The following SLC35F3 variants were observed in gnomAD, a reference collection of about 807,000 sequenced individuals.
The protein encoded by SLC35F3 is putative thiamine transporter SLC35F3.
In SLC35F3, 25 loss-of-function variants were observed where a neutral mutation model predicts 49.9. The observed-to-expected ratio is 0.50, with a 90% CI of 0.37 to 0.70. The LOEUF is 0.70. Among genes scored for constraint, SLC35F3 ranks in the 30% least tolerant of loss-of-function variants. The pLI, the probability that SLC35F3 is intolerant of heterozygous loss-of-function variation, is 0.00. For missense variants in SLC35F3, 525 were observed against 639.8 expected (o/e 0.82, Z 1.94); for synonymous variants, 275 against 265.4 (o/e 1.04, Z -0.35).
intron 2 of SLC35F3, among the ~76,000 whole-genome samples, chr1:234,167,437 G>C (rs1666336472): frequency 6.6e-6 from 1 of 152,074 alleles, no homozygotes. Flanking sequence ...CACCACAAAG[G>C]AGCACTGGAT....
chr1:234,104,972 T>C (rs1665262598), intron 2 of SLC35F3, among the ~76,000 whole-genome samples: 1 of 151,908 alleles, frequency 6.6e-6, no homozygotes. Flanking sequence ...CTACTAAAAA[T>C]ACAAAATTAG....
At position 234,285,045 on chromosome 1, in the gene SLC35F3, A is replaced by C. The variant is rs557034613; in HGVS notation, c.609-24056A>C. The C allele has an allele frequency of 1.9e-4, 35 of 182,888 alleles. 1 individual carries two copies. Among genetic ancestry groups the C allele is most frequent in the South Asian group, 1.3e-3 (11 of 8,176 alleles). The allele number at this position is 182,888 out of a possible 1,614,324, so 11.3% of individuals were successfully genotyped here. A position where few individuals can be genotyped will look rare whatever the true frequency, so the allele number is the denominator to read the frequency against. On this transcript the variant is annotated intron_variant, in intron 3 of 7. Coordinates refer to ENST00000366618, the MANE Select transcript of SLC35F3 (RefSeq NM_173508.4). ...AACATCCCTCCGAAGAGATGCAGTT[A>C]ATTGTATAGGGCCACAGGGGAACCC... is the stretch of plus-strand genomic sequence containing the variant.
intron 2 of SLC35F3, among the ~76,000 whole-genome samples, chr1:233,977,678 G>T (rs557262876): frequency 6.6e-6 from 1 of 152,278 alleles, no homozygotes; most frequent in East Asian, 1.9e-4. Flanking sequence ...TTGGCCACTT[G>T]CTTGCATAAA....
intron 3 of SLC35F3, among the ~76,000 whole-genome samples, chr1:234,303,999 A>ATCCT (rs745697175): frequency 0.17 from 21,481 of 124,750 alleles, 2,176 homozygotes; most frequent in Non-Finnish European, 0.23. Context: ...TCCTAATTTT[A>ATCCT]TCCTTCCTTC....
intron 2 of SLC35F3, among the ~76,000 whole-genome samples, chr1:233,985,980 T>C (rs536146472): frequency 2.0e-5 from 3 of 152,316 alleles, no homozygotes; most frequent in Non-Finnish European, 4.4e-5. Context: ...GGGTTAAAAT[T>C]CTGCTTTTAC....
chr1:234,093,583 C>T (rs187421774), intron 2 of SLC35F3, among the ~76,000 whole-genome samples: 61 of 152,342 alleles, frequency 4.0e-4, no homozygotes, highest in Non-Finnish European at 7.9e-4. Flanking sequence ...CAAACACTCA[C>T]CCCTGCCTTA....
chr1:234,279,183 G>T (rs1423719753), intron 3 of SLC35F3, among the ~76,000 whole-genome samples: 1 of 152,134 alleles, frequency 6.6e-6, no homozygotes, highest in Non-Finnish European at 1.5e-5. Flanking sequence ...GGACTTCCAG[G>T]TCATAGGCAG....
Position 234,214,561 on chromosome 1 carries a change from T to C in SLC35F3, c.284-16856T>C, listed in dbSNP as rs776768612. 2.1e-5 allele frequency: 32 copies of C among 1,553,490 alleles called. No homozygotes were observed. The Admixed American group carries it at 5.8e-4, about 28-fold the overall frequency. Reference sequence around the variant, plus strand: ...CCTGCAACAGTCCGGTCCTGACCCTTACCAAAGTGGAAGGTAATGCGCGGC... The same window carrying C: ...CCTGCAACAGTCCGGTCCTGACCCTCACCAAAGTGGAAGGTAATGCGCGGC... On this transcript the variant is annotated intron_variant, in intron 2 of 7. Coordinates refer to ENST00000366618, the MANE Select transcript of SLC35F3 (RefSeq NM_173508.4). The surrounding 1 kb of genome is among the most constrained non-coding windows in gnomAD (Gnocchi z 8.0).
chr1:234,057,521 T>C (rs1355670967), intron 2 of SLC35F3, among the ~76,000 whole-genome samples: 1 of 152,250 alleles, frequency 6.6e-6, no homozygotes, highest in Admixed American at 6.5e-5. Flanking sequence ...ACTCATTTAT[T>C]AGTTCTAATA....
chr1:234,172,104 C>T (rs866333753), intron 2 of SLC35F3, among the ~76,000 whole-genome samples: 64 of 152,286 alleles, frequency 4.2e-4, no homozygotes, highest in Non-Finnish European at 4.3e-4. Context: ...CCTTTCCTGG[C>T]CTCTAGCACC....
chr1:233,916,762 A>G (rs1014808554), intron 2 of SLC35F3, among the ~76,000 whole-genome samples: 2 of 152,176 alleles, frequency 1.3e-5, no homozygotes, highest in African/African-American at 4.8e-5. Flanking sequence ...GGAAGAAGGA[A>G]TATTTTTCAG....
intron 3 of SLC35F3, among the ~76,000 whole-genome samples, chr1:234,281,996 G>T (rs944525450): frequency 7.9e-5 from 12 of 151,856 alleles, no homozygotes; most frequent in African/African-American, 2.9e-4. Flanking sequence ...TTTTTCCAAA[G>T]CACGCATGTC....
intron 2 of SLC35F3, among the ~76,000 whole-genome samples, chr1:233,950,314 A>T (rs1662582246): frequency 7.6e-6 from 1 of 130,974 alleles, no homozygotes; most frequent in Non-Finnish European, 1.6e-5. Context: ...TGGACCCATG[A>T]GGCGGAGCTT....
intron 2 of SLC35F3, among the ~76,000 whole-genome samples, chr1:234,029,130 T>C (rs1298944940): frequency 6.6e-6 from 1 of 152,228 alleles, no homozygotes; most frequent in Non-Finnish European, 1.5e-5. Flanking sequence ...AGCTTGGGGC[T>C]GGGTGATAAC....
At chr1:234,066,473 G>T (rs1168455836) in intron 2 of SLC35F3, among the ~76,000 whole-genome samples, 1 of 152,136 alleles carries the variant, frequency 6.6e-6, no homozygotes, top group Non-Finnish European at 1.5e-5. Flanking sequence ...CTGCAGCGGT[G>T]AGTCCAGGTT....
intron 2 of SLC35F3, among the ~76,000 whole-genome samples, chr1:233,996,365 C>T (rs2186105): frequency 0.067 from 10,127 of 152,106 alleles, 581 homozygotes; most frequent in East Asian, 0.26. Context: ...GGAGCATCCT[C>T]GGATTTTGGT....
intron 2 of SLC35F3, among the ~76,000 whole-genome samples, chr1:233,991,273 A>C (rs1000785224): frequency 6.6e-6 from 1 of 152,030 alleles, no homozygotes; most frequent in East Asian, 1.9e-4. Context: ...AGCTTCCAAA[A>C]ATCATCTCCC....
At chr1:234,060,257 T>G (rs1664520964) in intron 2 of SLC35F3, among the ~76,000 whole-genome samples, 2 of 152,264 alleles carry the variant, frequency 1.3e-5, no homozygotes, top group South Asian at 4.2e-4. Flanking sequence ...TCTAGCTGAT[T>G]TTTAGATTTT....
intron 2 of SLC35F3, among the ~76,000 whole-genome samples, chr1:233,910,594 C>T (rs1661859270): frequency 6.6e-6 from 1 of 152,202 alleles, no homozygotes; most frequent in African/African-American, 2.4e-5. Flanking sequence ...CACAGACATT[C>T]TAAGGGTGGG....
Sources: allele counts gnomAD v4.1 joint callset (sites outside exome capture counted in the v4.1 genomes callset), GRCh38; gene constraint gnomAD v4.1.1; non-coding constraint Gnocchi (gnomAD v3.1); transcripts MANE v1.5; gene names NCBI Gene and HGNC (gene_info 2026-07-23, HGNC 2026-07-21).